The following IGFL2 variants were observed in gnomAD, a reference collection of about 807,000 sequenced individuals.
The protein encoded by IGFL2 is insulin growth factor-like family member 2.
Under a neutral mutation model 13.9 loss-of-function variants are expected in IGFL2, and 7 were observed. The observed-to-expected ratio is 0.51, with a 90% CI of 0.29 to 0.95. The LOEUF (loss-of-function observed/expected upper bound fraction) is 0.95, where lower values mean the gene tolerates loss of function less well. IGFL2 is among the 40% of genes least tolerant of loss of function. The probability of loss-of-function intolerance (pLI) is 0.08; values close to 1 mark genes in which losing one functional copy is unlikely to be tolerated. For missense variants in IGFL2, 138 were observed against 147.8 expected (o/e 0.93, Z 0.34); for synonymous variants, 55 against 55.8 (o/e 0.99, Z 0.07).
chr19:46,179,120 G>GT, the IGFL2 span, among the ~76,000 whole-genome samples: 1 of 151,914 alleles, frequency 6.6e-6, no homozygotes, highest in Non-Finnish European at 1.5e-5. Flanking sequence ...GGGGTGGGGG[G>GT]TCTGTGAGAG....
the IGFL2 span, among the ~76,000 whole-genome samples, chr19:46,091,458 T>G: frequency 6.6e-6 from 1 of 152,360 alleles, no homozygotes; most frequent in South Asian, 2.1e-4. Flanking sequence ...GTCAAAAACT[T>G]TAATCAGTAT....
chr19:46,132,120 C>T, the IGFL2 span, among the ~76,000 whole-genome samples: 2 of 152,250 alleles, frequency 1.3e-5, no homozygotes, highest in Non-Finnish European at 2.9e-5. Flanking sequence ...TTGTCATTCA[C>T]TTAACCAGTT....
chr19:46,107,811 C>T, the IGFL2 span, among the ~76,000 whole-genome samples: 1 of 152,086 alleles, frequency 6.6e-6, no homozygotes, highest in Non-Finnish European at 1.5e-5. Context: ...GCCTTCTGGC[C>T]CCTCTGGGTC....
the IGFL2 span, among the ~76,000 whole-genome samples, chr19:46,176,014 T>TG: frequency 9.0e-4 from 114 of 127,166 alleles, 3 homozygotes; most frequent in Middle Eastern, 0.019. Context: ...GACTAATTTT[T>TG]TTTTTTTTTT....
the IGFL2 span, among the ~76,000 whole-genome samples, chr19:46,215,186 G>A: frequency 6.6e-6 from 1 of 152,140 alleles, no homozygotes; most frequent in Non-Finnish European, 1.5e-5. Flanking sequence ...AAGTATAAAT[G>A]TATATTTATT....
chr19:46,178,688 C>A, the IGFL2 span, among the ~76,000 whole-genome samples: 1 of 152,220 alleles, frequency 6.6e-6, no homozygotes, highest in Non-Finnish European at 1.5e-5. Context: ...CTACTGACTT[C>A]AAGTCTTTAG....
At chr19:46,160,951 C>T in intron 3 of IGFL2, 70 bp downstream of exon 3, 1 of 1,577,838 alleles carries the variant, frequency 6.3e-7, no homozygotes, top group South Asian at 1.1e-5. Context: ...GTCTAGATGT[C>T]TTCATCACTC....
upstream of IGFL2, chr19:46,147,897 C>T (rs1973225644): frequency 5.0e-6 from 1 of 200,542 alleles, no homozygotes; most frequent in Non-Finnish European, 1.0e-5. Context: ...GTTTCATCAC[C>T]AGCTGTGATG....
the IGFL2 span, among the ~76,000 whole-genome samples, chr19:46,080,940 C>T: frequency 6.6e-6 from 1 of 152,332 alleles, no homozygotes; most frequent in Admixed American, 6.5e-5. Flanking sequence ...CGCAGGCTTC[C>T]CATTGATGGA....
At chr19:46,109,139 G>C in the IGFL2 span, among the ~76,000 whole-genome samples, 5 of 152,138 alleles carry the variant, frequency 3.3e-5, no homozygotes, top group Non-Finnish European at 5.9e-5. Context: ...GAGCAATAAA[G>C]CTTTTTAATC....
chr19:46,168,983 C>T, the IGFL2 span, among the ~76,000 whole-genome samples: 3 of 150,884 alleles, frequency 2.0e-5, no homozygotes, highest in Non-Finnish European at 2.9e-5. Context: ...TATTTGGAAA[C>T]TATGTGTTTG....
At chr19:46,104,635 A>AG in the IGFL2 span, among the ~76,000 whole-genome samples, 2,020 of 152,330 alleles carry the variant, frequency 0.013, 31 homozygotes, top group Middle Eastern at 0.027. Flanking sequence ...ATGTAAGTAA[A>AG]TCAATTTGCC....
At chr19:46,133,290 A>T in the IGFL2 span, among the ~76,000 whole-genome samples, 1 of 152,210 alleles carries the variant, frequency 6.6e-6, no homozygotes, top group African/African-American at 2.4e-5. Context: ...TTCTGCAGAA[A>T]GAGGGCCGCT....
the IGFL2 span, chr19:46,120,212 T>C: frequency 8.8e-6 from 13 of 1,471,350 alleles, 1 homozygote; most frequent in South Asian, 1.4e-4. Flanking sequence ...AGCTATGTCA[T>C]TGAGCCATCC....
the IGFL2 span, chr19:46,124,374 G>A: frequency 6.5e-7 from 1 of 1,539,178 alleles, no homozygotes; most frequent in Admixed American, 1.7e-5. Flanking sequence ...TGACAAGTAT[G>A]GAAAAAACAA....
At chr19:46,091,542 G>C in the IGFL2 span, among the ~76,000 whole-genome samples, 1 of 152,270 alleles carries the variant, frequency 6.6e-6, no homozygotes, top group Admixed American at 6.5e-5. Context: ...TATTTCTGTT[G>C]CTGAGATAAC....
At chr19:46,145,425 G>A (rs1395740191), upstream of IGFL2, among the ~76,000 whole-genome samples, 1 of 151,764 alleles carries the variant, frequency 6.6e-6, no homozygotes, top group Non-Finnish European at 1.5e-5. Context: ...GTCAATCCTT[G>A]CAACACCCCA....
At chr19:46,186,290 G>T in the IGFL2 span, among the ~76,000 whole-genome samples, 1 of 152,202 alleles carries the variant, frequency 6.6e-6, no homozygotes, top group African/African-American at 2.4e-5. Context: ...ATCAGACCTG[G>T]TGCCGTCCAT....
At chr19:46,124,017 G>A in the IGFL2 span, 9 of 1,611,470 alleles carry the variant, frequency 5.6e-6, no homozygotes, top group Non-Finnish European at 7.6e-6. Flanking sequence ...GCCAGAAGGT[G>A]CAGGTGGAGC....
Sources: allele counts gnomAD v4.1 joint callset (sites outside exome capture counted in the v4.1 genomes callset), GRCh38; gene constraint gnomAD v4.1.1; transcripts MANE v1.5; gene names NCBI Gene and HGNC (gene_info 2026-07-23, HGNC 2026-07-21).